Variants in HYDIN observed in about 807,000 individuals in gnomAD.
HYDIN encodes axonemal central pair apparatus protein HYDIN.
HYDIN carries 132 observed loss-of-function variants against 403.9 expected under a neutral mutation model. That is an observed-to-expected ratio of 0.33 (90% CI 0.28 to 0.38). The LOEUF (loss-of-function observed/expected upper bound fraction) is 0.38. Ranked by LOEUF, HYDIN falls within the 10% of genes least tolerant of loss-of-function variation. The pLI is 1.00. For missense variants in HYDIN, 2,827 were observed against 5,009.5 expected, an observed-to-expected ratio of 0.56 and a Z score of 13.15; for synonymous variants, 1,202 against 1,891.7, an observed-to-expected ratio of 0.64 and a Z score of 9.46.
At chr16:71,059,985 C>T (rs2082028008) in intron 18 of HYDIN, among the ~76,000 whole-genome samples, 1 of 152,040 alleles carries the variant, frequency 6.6e-6, no homozygotes, top group South Asian at 2.1e-4. Context: ...CAGACATCCT[C>T]ACAAACTACC....
chr16:70,994,990 G>A (rs2079482277), intron 23 of HYDIN, among the ~76,000 whole-genome samples: 1 of 150,884 alleles, frequency 6.6e-6, no homozygotes, highest in South Asian at 2.1e-4. Flanking sequence ...AGCTGTAGAG[G>A]GTCTTCATAC....
intron 30 of HYDIN, among the ~76,000 whole-genome samples, chr16:70,976,537 T>C (rs924130087): frequency 1.3e-5 from 2 of 151,040 alleles, no homozygotes; most frequent in African/African-American, 4.9e-5. Context: ...CACACATGCA[T>C]GTAAAAGTGG....
intron 5 of HYDIN, 22 bp downstream of exon 5, chr16:71,175,585 T>C (rs940778125): frequency 1.2e-6 from 2 of 1,611,688 alleles, no homozygotes; most frequent in East Asian, 2.2e-5. Flanking sequence ...AGTGTCCAAT[T>C]TCTTGCCATT....
At chr16:70,897,455 G>A (rs2076238216) in intron 53 of HYDIN, among the ~76,000 whole-genome samples, 2 of 151,848 alleles carry the variant, frequency 1.3e-5, no homozygotes, top group African/African-American at 4.9e-5. Context: ...GCTTGCCAAT[G>A]TTTCACAGAG....
At chr16:70,857,480 G>C (rs1308786147) in intron 72 of HYDIN, among the ~76,000 whole-genome samples, 1 of 127,284 alleles carries the variant, frequency 7.9e-6, no homozygotes, top group Non-Finnish European at 1.6e-5. Flanking sequence ...CTTTAACAAG[G>C]CTCCTAAATT....
intron 15 of HYDIN, among the ~76,000 whole-genome samples, chr16:71,065,431 GAA>G (rs1297182791): frequency 6.6e-6 from 1 of 152,060 alleles, no homozygotes; most frequent in Non-Finnish European, 1.5e-5. Context: ...GTTGTATGCA[GAA>G]AAGAGGGGAG....
chr16:70,948,091 A>G (rs1200996504), intron 41 of HYDIN, among the ~76,000 whole-genome samples: 2 of 151,008 alleles, frequency 1.3e-5, no homozygotes, highest in Non-Finnish European at 2.9e-5. Flanking sequence ...ACAGCATGGT[A>G]CTGGTACCAA....
intron 41 of HYDIN, among the ~76,000 whole-genome samples, chr16:70,951,245 G>GGA (rs1413991575): frequency 1.4e-5 from 2 of 144,844 alleles, no homozygotes; most frequent in Admixed American, 7.3e-5. Context: ...TAGGGAAAAG[G>GGA]GACAGAGAGA....
At chr16:71,003,672 A>C (rs2079796266) in intron 23 of HYDIN, among the ~76,000 whole-genome samples, 1 of 151,738 alleles carries the variant, frequency 6.6e-6, no homozygotes, top group Non-Finnish European at 1.5e-5. Flanking sequence ...GGTGGCAGGC[A>C]CCTGTAATCC....
intron 39 of HYDIN, among the ~76,000 whole-genome samples, chr16:70,956,425 G>A (rs2078239027): frequency 6.6e-6 from 1 of 152,186 alleles, no homozygotes; most frequent in African/African-American, 2.4e-5. Context: ...GCTGAATAAT[G>A]GCTCCTCCAA....
chr16:70,974,446 C>G (rs938601255), intron 32 of HYDIN, 88 bp downstream of exon 32: 1 of 1,414,756 alleles, frequency 7.1e-7, no homozygotes, highest in Non-Finnish European at 9.5e-7. Flanking sequence ...CCCAGAGGCA[C>G]AAAAGCTGCT....
chr16:70,937,904 G>A (rs2077542498), intron 44 of HYDIN, among the ~76,000 whole-genome samples: 1 of 151,960 alleles, frequency 6.6e-6, no homozygotes, highest in Admixed American at 6.6e-5. Flanking sequence ...AAGGACACAT[G>A]TCCCACTGTT....
chr16:70,842,481 C>G (rs2037895687), intron 75 of HYDIN, among the ~76,000 whole-genome samples: 1 of 151,986 alleles, frequency 6.6e-6, no homozygotes, highest in African/African-American at 2.4e-5. Context: ...ATGTCTTTAT[C>G]TATCGCTAGG....
At chr16:71,230,313 GCAGCACCTCAGGC>G (rs2041223477) in intron 1 of HYDIN, among the ~76,000 whole-genome samples, 1 of 152,228 alleles carries the variant, frequency 6.6e-6, no homozygotes, top group African/African-American at 2.4e-5. Flanking sequence ...TGGAAGCGAG[GCAGCACCTCAGGC>G]CTTCTGCCCT....
intron 18 of HYDIN, among the ~76,000 whole-genome samples, chr16:71,048,394 T>C (rs1174967189): frequency 7.7e-6 from 1 of 130,542 alleles, no homozygotes. Context: ...GTTCTATTTT[T>C]AGTTTTTTGA....
At chr16:71,212,493 G>A (rs2088647779) in intron 1 of HYDIN, among the ~76,000 whole-genome samples, 1 of 152,146 alleles carries the variant, frequency 6.6e-6, no homozygotes, top group African/African-American at 2.4e-5. Context: ...ATAGGGGTAA[G>A]TTGTATAGAA....
At position 71,115,589 on chromosome 16, in the gene HYDIN, T is replaced by C. The variant is rs966929320; in HGVS notation, c.1327+107A>G. On this transcript the variant is annotated intron_variant, in intron 10 of 85. Coordinates refer to ENST00000393567, the MANE Select transcript of HYDIN (RefSeq NM_001270974.2). ...TATAATCAATATCATGTACCGCCCA[T>C]GGCATGATCCCACATGCACATGTGC... 4.5e-6 allele frequency: 3 copies of C among 662,236 alleles called. No homozygotes were observed. In the African/African-American group the frequency reaches 5.4e-5, roughly 12 times the overall value. The allele number at this position is 662,236 out of a possible 1,614,324, so 41.0% of individuals were successfully genotyped here. A position where few individuals can be genotyped will look rare whatever the true frequency, so the allele number is the denominator to read the frequency against.
chr16:71,020,191 G>A lies in HYDIN; in HGVS notation c.3313C>T (p.Leu1105=). 6.2e-7 allele frequency: 1 copy of A among 1,613,800 alleles called. No homozygotes were observed. Among genetic ancestry groups the A allele is most frequent in the Non-Finnish European group, 8.5e-7 (1 of 1,179,936 alleles). The change falls in exon 22 of 86, where the codon CTG becomes TTG. Residue 1105 remains leucine, a synonymous_variant. Coordinates refer to ENST00000393567, the MANE Select transcript of HYDIN (RefSeq NM_001270974.2). ...TAAGGTACCTCAGGAGTTGCCGGCA[G>A]CAGGGATTTATCAGTCTCACATATA... is the stretch of plus-strand genomic sequence containing the variant. ...FFICETDKSL[L]PATPEPIKLE... is the part of the protein sequence containing the mutation.
intron 28 of HYDIN, among the ~76,000 whole-genome samples, chr16:70,984,228 C>T (rs2079121674): frequency 1.3e-5 from 2 of 151,004 alleles, no homozygotes; most frequent in South Asian, 4.2e-4. Flanking sequence ...ATAAAATAAA[C>T]AATAAATACA....
Sources: gnomAD v4.1 joint callset for allele counts (sites outside exome capture counted in the v4.1 genomes callset) on GRCh38, gnomAD v4.1.1 for gene constraint, MANE v1.5 for transcripts, NCBI Gene and HGNC (gene_info 2026-07-23, HGNC 2026-07-21) for gene names.